Variants in CCDC150 observed in about 807,000 individuals in gnomAD.
The protein encoded by CCDC150 is coiled-coil domain-containing protein 150.
In CCDC150, 151 loss-of-function variants were observed where a neutral mutation model predicts 156.5. That is an observed-to-expected ratio of 0.97 (90% CI 0.85 to 1.10). The LOEUF (loss-of-function observed/expected upper bound fraction) is 1.10, where lower values mean the gene tolerates loss of function less well. Ranked by LOEUF, CCDC150 falls within the 50% of genes least tolerant of loss-of-function variation. The pLI, the probability that CCDC150 is intolerant of heterozygous loss-of-function variation, is 0.00. For synonymous variants in CCDC150, 452 were observed against 429.4 expected, an observed-to-expected ratio of 1.05 and a Z score of -0.65; for missense variants, 1,312 against 1,268.1, an observed-to-expected ratio of 1.03 and a Z score of -0.53.
intron 15 of CCDC150, among the ~76,000 whole-genome samples, chr2:196,702,466 T>A (rs959373062): frequency 5.2e-4 from 78 of 151,388 alleles, no homozygotes; most frequent in African/African-American, 1.9e-3. Flanking sequence ...GCTCAAATGT[T>A]CCTCCCACCT....
At chr2:196,664,680 A>G (rs1377186448) in intron 5 of CCDC150, among the ~76,000 whole-genome samples, 1 of 152,088 alleles carries the variant, frequency 6.6e-6, no homozygotes, top group Non-Finnish European at 1.5e-5. Flanking sequence ...TCCCCTCGTT[A>G]GAGGTTGAGA....
intron 25 of CCDC150, 80 bp from the exon 26 acceptor site, chr2:196,730,779 C>T (rs1698475743): frequency 2.0e-6 from 2 of 1,022,724 alleles, no homozygotes; most frequent in South Asian, 3.2e-5. Flanking sequence ...TATTTAGTTG[C>T]CCATTTATTA....
In CCDC150 at chr2:196,664,502, G is replaced by A. The variant is rs534451179; in HGVS notation, c.646-1065G>A. Among the ~76,000 whole-genome samples the A allele has an allele frequency of 1.1e-4, 17 of 152,312 alleles. No individual in the cohort carries two copies. The South Asian group carries it at 3.5e-3, about 32-fold the overall frequency. ...TGCATAGAGCAAGGCATGTGGGAAGGGACGCAGGCCCTTTCTGGGGCTAAC... is the reference window on the plus strand; with the variant it reads ...TGCATAGAGCAAGGCATGTGGGAAGAGACGCAGGCCCTTTCTGGGGCTAAC... On this transcript the variant is annotated intron_variant, in intron 5 of 27. Transcript: ENST00000389175.
chr2:196,685,905 C>T (rs984403748), intron 13 of CCDC150, among the ~76,000 whole-genome samples: 5 of 152,206 alleles, frequency 3.3e-5, no homozygotes, highest in African/African-American at 7.2e-5. Context: ...TGAGCCACCG[C>T]GCCCAGCCGG....
At chr2:196,660,683 C>G (rs1208198957) in intron 5 of CCDC150, among the ~76,000 whole-genome samples, 1 of 152,116 alleles carries the variant, frequency 6.6e-6, no homozygotes, top group Admixed American at 6.5e-5. Flanking sequence ...TTTAAGACTT[C>G]TTTGTATATT....
chr2:196,659,040 C>T lies in CCDC150; in HGVS notation c.645+180C>T, dbSNP rs566260668. On this transcript the variant is annotated intron_variant, in intron 5 of 27. Coordinates refer to ENST00000389175, the MANE Select transcript of CCDC150 (RefSeq NM_001080539.2). ...TGCCTGCCCTTACATGACATTAAGACTTCCTTTTACCTCAATACTGGCATA... is the reference window on the plus strand; with the variant it reads ...TGCCTGCCCTTACATGACATTAAGATTTCCTTTTACCTCAATACTGGCATA... Among the ~76,000 whole-genome samples the T allele has an allele frequency of 2.6e-5, 4 of 152,244 alleles. No homozygotes were observed. In the East Asian group the frequency reaches 7.7e-4, roughly 29 times the overall value.
chr2:196,719,634 G>T lies in CCDC150; in HGVS notation c.2133G>T (p.Arg711Ser). 1 of 1,611,270 alleles carries T rather than the reference G, an allele frequency of 6.2e-7. No individual in the cohort carries two copies. The highest frequency in any genetic ancestry group is 2.2e-5 in the East Asian group (1 of 44,740). ...LEKVQIELGR[R>S]DSEIAGLKKE... ...AAGTACAAATAGAGCTTGGGCGGAG[G>T]GATTCAGAGATTGCAGGCCTCAAGA... The change falls in exon 19 of 28, where the codon AGG becomes AGT. Residue 711 changes from arginine (R) to serine (S), a missense_variant. By Grantham distance (110) the Arg-to-Ser change is moderately radical. Coordinates refer to ENST00000389175, the MANE Select transcript of CCDC150 (RefSeq NM_001080539.2).
At chr2:196,722,692 T>C (rs567019628) in intron 21 of CCDC150, among the ~76,000 whole-genome samples, 1 of 152,340 alleles carries the variant, frequency 6.6e-6, no homozygotes, top group South Asian at 2.1e-4. Context: ...TCAGCTGAAA[T>C]GTTACTGCCT....
intron 8 of CCDC150, among the ~76,000 whole-genome samples, chr2:196,671,211 G>A (rs1025229668): frequency 2.0e-5 from 3 of 151,974 alleles, no homozygotes; most frequent in Non-Finnish European, 4.4e-5. Flanking sequence ...AAAATCTTCT[G>A]TGCTTTGCCT....
chr2:196,662,502 A>T (rs1203962602), intron 5 of CCDC150, among the ~76,000 whole-genome samples: 1 of 152,090 alleles, frequency 6.6e-6, no homozygotes, highest in Non-Finnish European at 1.5e-5. Context: ...ACAGTTCACA[A>T]TAGGGTTCAC....
At chr2:196,641,251 A>G (rs1035640347) in intron 1 of CCDC150, among the ~76,000 whole-genome samples, 44 of 152,072 alleles carry the variant, frequency 2.9e-4, no homozygotes, top group Admixed American at 1.5e-3. Context: ...TGCTGGGATT[A>G]CAGGCGTGAG....
chr2:196,671,390 C>T (rs1301302077), intron 8 of CCDC150, among the ~76,000 whole-genome samples: 1 of 148,760 alleles, frequency 6.7e-6, no homozygotes, highest in Non-Finnish European at 1.5e-5. Context: ...CATGTCTTTT[C>T]ATGGCTTGAT....
Position 196,664,839 on chromosome 2 carries a change from A to G in CCDC150, c.646-728A>G, listed in dbSNP as rs1257182800. Among the ~76,000 whole-genome samples the G allele has an allele frequency of 2.6e-5, 4 of 152,088 alleles. No homozygotes were observed. In the East Asian group the frequency reaches 5.8e-4, roughly 22 times the overall value. On this transcript the variant is annotated intron_variant, in intron 5 of 27. Transcript: ENST00000389175. ...CTTATGAGGTGATTCCAAGTTTTTT[A>G]TGAGCTGTGTGCCAGGAACGAGGGT...
intron 1 of CCDC150, among the ~76,000 whole-genome samples, chr2:196,643,238 CT>C (rs1185967216): frequency 6.6e-6 from 1 of 152,220 alleles, no homozygotes; most frequent in Non-Finnish European, 1.5e-5. Context: ...CAATCTCCCC[CT>C]TCTTAGGGTG....
intron 2 of CCDC150, among the ~76,000 whole-genome samples, chr2:196,654,962 A>C (rs998183033): frequency 1.4e-4 from 21 of 152,172 alleles, no homozygotes; most frequent in Admixed American, 2.0e-4. Context: ...TGGCCCCAGA[A>C]GGTTAAGATG....
chr2:196,644,316 T>C (rs1692407785), intron 1 of CCDC150, among the ~76,000 whole-genome samples: 1 of 152,136 alleles, frequency 6.6e-6, no homozygotes, highest in African/African-American at 2.4e-5. Context: ...ATCTTTGGCA[T>C]GATTTATCTC....
intron 2 of CCDC150, among the ~76,000 whole-genome samples, chr2:196,652,219 G>A (rs1189470309): frequency 6.6e-6 from 1 of 152,142 alleles, no homozygotes; most frequent in Non-Finnish European, 1.5e-5. Flanking sequence ...CTTCTCAATA[G>A]TACACTAAAG....
intron 15 of CCDC150, among the ~76,000 whole-genome samples, chr2:196,706,523 G>T (rs2125677887): frequency 6.6e-6 from 1 of 152,262 alleles, no homozygotes; most frequent in Middle Eastern, 3.4e-3. Flanking sequence ...TTGCCTGATT[G>T]CCCTGGCTAG....
rs1695728863 is a variant in CCDC150, at chr2:196,694,973, T to G, written c.1510-73T>G. On this transcript the variant is annotated intron_variant, in intron 13 of 27. Transcript: ENST00000389175. ...ACTGTCCATTTTACAGTTGTAATTG[T>G]CATTTTAAAAATAAGATAATACTTT... 2.2e-5 allele frequency: 17 copies of G among 776,616 alleles called. No individual in the cohort carries two copies. In the South Asian group the frequency reaches 2.7e-4, roughly 12 times the overall value. 48.1% of individuals were successfully genotyped at this position (776,616 alleles called of 1,614,324 possible).
Sources: gnomAD v4.1 joint callset for allele counts (sites outside exome capture counted in the v4.1 genomes callset) on GRCh38, gnomAD v4.1.1 for gene constraint, MANE v1.5 for transcripts, NCBI Gene and HGNC (gene_info 2026-07-23, HGNC 2026-07-21) for gene names.